Variants in GRIN3A observed in about 807,000 individuals in gnomAD.
The protein encoded by GRIN3A is glutamate ionotropic receptor NMDA type subunit 3A.
GRIN3A carries 47 observed loss-of-function variants against 92.4 expected under a neutral mutation model. The observed-to-expected ratio is 0.51, with a 90% CI of 0.40 to 0.65. The LOEUF (loss-of-function observed/expected upper bound fraction) is 0.65. Among genes scored for constraint, GRIN3A ranks in the 30% least tolerant of loss-of-function variants. The pLI is 0.00. For synonymous variants in GRIN3A, 527 were observed against 540.6 expected, an observed-to-expected ratio of 0.97 and a Z score of 0.35; for missense variants, 1,324 against 1,393.1, an observed-to-expected ratio of 0.95 and a Z score of 0.79.
chr9:101,596,344 G>A (rs984886009), intron 6 of GRIN3A, among the ~76,000 whole-genome samples: 3 of 151,650 alleles, frequency 2.0e-5, no homozygotes, highest in Admixed American at 2.0e-4. Context: ...TGTTATATTG[G>A]AATGTTTTTT....
chr9:101,682,648 A>G (rs1829472709), intron 2 of GRIN3A, among the ~76,000 whole-genome samples: 1 of 152,248 alleles, frequency 6.6e-6, no homozygotes, highest in Admixed American at 6.5e-5. Flanking sequence ...TTCTCAAAAT[A>G]ATATTCCACC....
chr9:101,597,874 T>C (rs1000795840), intron 6 of GRIN3A, among the ~76,000 whole-genome samples: 1 of 152,176 alleles, frequency 6.6e-6, no homozygotes, highest in African/African-American at 2.4e-5. Context: ...ATATGACATA[T>C]TTTCTTGCTT....
In GRIN3A at chr9:101,607,765, T is replaced by C. The variant is rs977359667; in HGVS notation, c.2766+5611A>G. 5.9e-5 allele frequency among the ~76,000 whole-genome samples: 9 copies of C among 152,192 alleles called. 1 individual carries two copies. Among genetic ancestry groups the C allele is most frequent in the Admixed American group, 5.2e-4 (8 of 15,284 alleles). ...TAACAGAGCCCGGCAGTGTATGACA[T>C]TTGAAGCAAAAGGGATGGCAAGCGA... On this transcript the variant is annotated intron_variant, in intron 6 of 8. Coordinates refer to ENST00000361820, the MANE Select transcript of GRIN3A (RefSeq NM_133445.3).
chr9:101,656,340 G>C (rs1829088183), intron 3 of GRIN3A, among the ~76,000 whole-genome samples: 1 of 151,960 alleles, frequency 6.6e-6, no homozygotes, highest in Non-Finnish European at 1.5e-5. Flanking sequence ...AGGACTCTGA[G>C]TCAAAGCATC....
rs540966721 is a variant in GRIN3A, at chr9:101,723,360, T to C, written c.699+13921A>G. 6.6e-4 allele frequency among the ~76,000 whole-genome samples: 100 copies of C among 151,990 alleles called. 2 individuals are homozygous for C. The highest frequency in any genetic ancestry group is 2.3e-3 in the African/African-American group (95 of 41,440). ...TCTTAAGGCAGCGCGTCTGGAGTTG[T>C]TCGTTCCTCCCGGTGGGCTTGTGGT... On this transcript the variant is annotated intron_variant, in intron 1 of 8. Coordinates refer to ENST00000361820, the MANE Select transcript of GRIN3A (RefSeq NM_133445.3).
intron 1 of GRIN3A, among the ~76,000 whole-genome samples, chr9:101,701,454 G>T (rs1829751316): frequency 6.6e-6 from 1 of 152,008 alleles, no homozygotes; most frequent in Non-Finnish European, 1.5e-5. Context: ...ACTTGTAAGT[G>T]AGACCATGCC....
chr9:101,645,690 T>TTA (rs1375110445), intron 3 of GRIN3A, among the ~76,000 whole-genome samples: 1 of 148,032 alleles, frequency 6.8e-6, no homozygotes, highest in African/African-American at 2.5e-5. Flanking sequence ...TATATATAGA[T>TTA]TATATATATA....
At chr9:101,724,476 C>T (rs563675013) in intron 1 of GRIN3A, among the ~76,000 whole-genome samples, 8 of 152,232 alleles carry the variant, frequency 5.3e-5, no homozygotes, top group East Asian at 1.9e-4. Flanking sequence ...CCCTGGTTCC[C>T]GCTCGCGCCT....
At position 101,689,386 on chromosome 9, in the gene GRIN3A, A is replaced by G. The variant is rs565600992; in HGVS notation, c.700-2186T>C. Reference sequence around the variant, plus strand: ...TGAAATTGTTGCTTTCTTGCTAAATAGGAAGTTGAATTAGCTAATCATATT... The same window carrying G: ...TGAAATTGTTGCTTTCTTGCTAAATGGGAAGTTGAATTAGCTAATCATATT... On this transcript the variant is annotated intron_variant, in intron 1 of 8. Transcript: ENST00000361820. Among the ~76,000 whole-genome samples the G allele has an allele frequency of 2.0e-5, 3 of 152,326 alleles. No individual in the cohort carries two copies. The East Asian group carries it at 5.8e-4, about 29-fold the overall frequency.
chr9:101,573,452 G>T lies in GRIN3A; in HGVS notation c.3070C>A (p.Arg1024=). ...TCATCACTAAAGATGTATTTCCGTC[G>T]GTTGTCATGACTCAGATTGGAAGTA... is the stretch of plus-strand genomic sequence containing the variant. ...WNTSNLSHDN[R]RKYIFSDEEG... is the part of the protein sequence containing the mutation. The change falls in exon 9 of 9, where the codon CGA becomes AGA. Residue 1024 remains arginine (R), a synonymous_variant. Coordinates refer to ENST00000361820, the MANE Select transcript of GRIN3A (RefSeq NM_133445.3). 3 of 1,614,014 alleles carry T rather than the reference G, an allele frequency of 1.9e-6. No homozygotes were observed. The highest frequency in any genetic ancestry group is 2.5e-6 in the Non-Finnish European group (3 of 1,179,966).
chr9:101,596,856 T>C (rs1219206573), intron 6 of GRIN3A, among the ~76,000 whole-genome samples: 4 of 152,206 alleles, frequency 2.6e-5, no homozygotes, highest in Non-Finnish European at 4.4e-5. Context: ...TTTAAGGAAA[T>C]ATTGGAACCA....
At chr9:101,706,391 C>T (rs1340518132) in intron 1 of GRIN3A, among the ~76,000 whole-genome samples, 2 of 152,130 alleles carry the variant, frequency 1.3e-5, no homozygotes, top group East Asian at 3.9e-4. Flanking sequence ...GGTCTGTCTT[C>T]AGGAGGAACA....
rs777473704 is a variant in GRIN3A, at chr9:101,671,043, C to T, written c.1369G>A (p.Val457Ile). Residue 457 changes from valine to isoleucine, a missense_variant, in exon 3 of 9, where the codon GTC (valine) becomes ATC (isoleucine). Transcript: ENST00000361820. Reference sequence around the variant, plus strand: ...ATGAAAAAGTTGTTTTCTGAGCTGACGATGGTGGAACCTTTTACTCTGATG... The same window carrying T: ...ATGAAAAAGTTGTTTTCTGAGCTGATGATGGTGGAACCTTTTACTCTGATG... ...GSIRVKGSTIVSSENNFFIWN... is the reference protein window; with the variant it reads ...GSIRVKGSTIISSENNFFIWN... 8.1e-6 allele frequency: 13 copies of T among 1,613,810 alleles called. No individual in the cohort carries two copies. The highest frequency in any genetic ancestry group is 2.2e-5 in the East Asian group (1 of 44,850).
At chr9:101,632,014 A>G (rs1160831101) in intron 3 of GRIN3A, among the ~76,000 whole-genome samples, 1 of 152,080 alleles carries the variant, frequency 6.6e-6, no homozygotes, top group Non-Finnish European at 1.5e-5. Flanking sequence ...CATGGCCTCT[A>G]AGGTTCAGCA....
In GRIN3A at chr9:101,734,623, A is replaced by G. The variant is rs191776294; in HGVS notation, c.699+2658T>C. 1.7e-4 allele frequency among the ~76,000 whole-genome samples: 26 copies of G among 152,028 alleles called. 1 individual carries two copies. Among genetic ancestry groups the G allele is most frequent in the Admixed American group, 9.8e-4 (15 of 15,278 alleles). On this transcript the variant is annotated intron_variant, in intron 1 of 8. Coordinates refer to ENST00000361820, the MANE Select transcript of GRIN3A (RefSeq NM_133445.3). ...TTATGCTTTTCTCAGGGGTTTGTCC[A>G]TCTCAGTGGCAGCTCTTTCCATTTA...
rs912917398 is a variant in GRIN3A, at chr9:101,687,686, T to A, written c.700-486A>T. On this transcript the variant is annotated intron_variant, in intron 1 of 8. Coordinates refer to ENST00000361820, the MANE Select transcript of GRIN3A (RefSeq NM_133445.3). The stretch of plus-strand genomic sequence containing the variant: ...AAGGATGATGTGAAAGATGGATGCA[T>A]CATAGTTTCCTAAACTTCCAGCCCC... Among the ~76,000 whole-genome samples the A allele has an allele frequency of 2.6e-5, 4 of 152,226 alleles. 1 individual carries two copies. In the South Asian group the frequency reaches 8.3e-4, roughly 31 times the overall value.
At chr9:101,674,994 G>A (rs1258246186) in intron 2 of GRIN3A, among the ~76,000 whole-genome samples, 2 of 151,892 alleles carry the variant, frequency 1.3e-5, no homozygotes, top group African/African-American at 2.4e-5. Flanking sequence ...CTTTAACAGA[G>A]ATCTACATTA....
intron 1 of GRIN3A, among the ~76,000 whole-genome samples, chr9:101,732,426 A>G (rs955402270): frequency 2.0e-5 from 3 of 152,226 alleles, no homozygotes; most frequent in African/African-American, 7.2e-5. Flanking sequence ...TTTCTATGGC[A>G]GGACTTAAGG....
At chr9:101,614,634 T>TTTG (rs1828416110) in intron 5 of GRIN3A, among the ~76,000 whole-genome samples, 1 of 145,246 alleles carries the variant, frequency 6.9e-6, no homozygotes, top group Admixed American at 6.9e-5. Context: ...TTTTTTTTTT[T>TTTG]TTGGAGACAG....
Sources: allele counts gnomAD v4.1 joint callset (sites outside exome capture counted in the v4.1 genomes callset), GRCh38; gene constraint gnomAD v4.1.1; transcripts MANE v1.5; gene names NCBI Gene and HGNC (gene_info 2026-07-23, HGNC 2026-07-21).